Variants in DAB1 observed in about 807,000 individuals in gnomAD.
DAB1 encodes DAB adaptor protein 1, also known as disabled homolog 1.
A neutral mutation model predicts 64.6 loss-of-function variants in DAB1; 15 were observed. The observed-to-expected ratio is 0.23, with a 90% CI of 0.16 to 0.36. DAB1 has a LOEUF of 0.36. DAB1 is among the 10% of genes least tolerant of loss of function. The pLI is 1.00. For missense variants in DAB1, 596 were observed against 706.7 expected, an observed-to-expected ratio of 0.84 and a Z score of 1.78; for synonymous variants, 235 against 251.9, an observed-to-expected ratio of 0.93 and a Z score of 0.64.
intron 1 of DAB1, among the ~76,000 whole-genome samples, chr1:58,534,885 G>A (rs111356090): frequency 0.018 from 2,813 of 152,254 alleles, 56 homozygotes; most frequent in East Asian, 0.12. Flanking sequence ...GCAGTGAGCT[G>A]AGATCTCGCC....
chr1:58,160,451 G>A (rs538569576), intron 4 of DAB1, among the ~76,000 whole-genome samples: 1 of 152,148 alleles, frequency 6.6e-6, no homozygotes, highest in Non-Finnish European at 1.5e-5. Context: ...CCTGTACAGA[G>A]GGCAATTAGG....
Position 57,969,578 on chromosome 1 carries a change from A to G in DAB1, n.388-85416T>C, listed in dbSNP as rs189568639. Among the ~76,000 whole-genome samples, 658 of 152,326 alleles carry G rather than the reference A, an allele frequency of 4.3e-3. 5 individuals are homozygous for G. The highest frequency in any genetic ancestry group is 0.015 in the African/African-American group (618 of 41,578). On this transcript the variant is annotated intron_variant and non_coding_transcript_variant, in intron 5 of 20. Transcript: ENST00000485760. Reference sequence around the variant, plus strand: ...ACAGCTTTTAGTTCTCATATCCAACAGATATCAAAGTATAAGTATCCTCAT... The same window carrying G: ...ACAGCTTTTAGTTCTCATATCCAACGGATATCAAAGTATAAGTATCCTCAT...
At chr1:57,454,890 ATCAG>A (rs1686525896) in intron 7 of DAB1, among the ~76,000 whole-genome samples, 2 of 152,186 alleles carry the variant, frequency 1.3e-5, no homozygotes, top group Non-Finnish European at 2.9e-5. Context: ...TCAAAAAAAT[ATCAG>A]TCTGGTAGAG....
intron 4 of DAB1, among the ~76,000 whole-genome samples, chr1:58,188,896 C>T (rs186560920): frequency 9.2e-5 from 14 of 152,264 alleles, no homozygotes; most frequent in African/African-American, 2.9e-4. Flanking sequence ...TTTCATGGGT[C>T]CTGAATGTTC....
At chr1:57,047,089 G>GCACC (rs1355873461) in intron 9 of DAB1, among the ~76,000 whole-genome samples, 2 of 152,206 alleles carry the variant, frequency 1.3e-5, no homozygotes, top group Non-Finnish European at 2.9e-5. Context: ...TCACCTGGTT[G>GCACC]TAGGGTCAAA....
intron 7 of DAB1, among the ~76,000 whole-genome samples, chr1:57,606,375 C>T (rs1452346039): frequency 7.8e-5 from 1 of 12,880 alleles, no homozygotes; most frequent in Non-Finnish European, 2.6e-4. Flanking sequence ...CCATTCTAAT[C>T]CTATATATAT....
chr1:57,078,465 C>T (rs1652189808), intron 4 of DAB1, among the ~76,000 whole-genome samples: 1 of 151,966 alleles, frequency 6.6e-6, no homozygotes. Context: ...TAAATTGATT[C>T]ATATAACATA....
intron 4 of DAB1, among the ~76,000 whole-genome samples, chr1:57,115,867 C>A (rs970167200): frequency 3.3e-5 from 5 of 152,172 alleles, no homozygotes; most frequent in African/African-American, 1.2e-4. Context: ...TGAAGTTAGA[C>A]TGGGTTGAAA....
intron 5 of DAB1, among the ~76,000 whole-genome samples, chr1:58,119,682 T>C (rs1232351471): frequency 2.0e-5 from 3 of 152,170 alleles, no homozygotes; most frequent in South Asian, 2.1e-4. Flanking sequence ...AGCAGAGAAA[T>C]AGCCAGAGCT....
intron 5 of DAB1, among the ~76,000 whole-genome samples, chr1:58,109,104 T>C (rs1651830075): frequency 6.6e-6 from 1 of 152,218 alleles, no homozygotes; most frequent in Non-Finnish European, 1.5e-5. Context: ...CTTTTAGTGT[T>C]GGGGCTTTCC....
At chr1:57,738,908 T>A (rs183236120) in intron 6 of DAB1, among the ~76,000 whole-genome samples, 4 of 152,288 alleles carry the variant, frequency 2.6e-5, no homozygotes, top group African/African-American at 9.6e-5. Context: ...CACTTCGAGG[T>A]TGGAAACAAC....
intron 5 of DAB1, among the ~76,000 whole-genome samples, chr1:58,122,552 G>A (rs1420100809): frequency 6.6e-6 from 1 of 151,948 alleles, no homozygotes; most frequent in Non-Finnish European, 1.5e-5. Flanking sequence ...GGTATTAGGA[G>A]TTAGCCAAGG....
chr1:57,639,285 A>T (rs1458321056), intron 7 of DAB1, among the ~76,000 whole-genome samples: 1 of 150,798 alleles, frequency 6.6e-6, no homozygotes. Flanking sequence ...AAAGTTCTTT[A>T]TAAAGAACTT....
chr1:57,696,816 C>T (rs1348973906), intron 6 of DAB1, among the ~76,000 whole-genome samples: 1 of 152,154 alleles, frequency 6.6e-6, no homozygotes, highest in Non-Finnish European at 1.5e-5. Context: ...TCATATCATC[C>T]TGGAATTTTC....
chr1:57,656,503 A>G (rs1029570305), intron 6 of DAB1, among the ~76,000 whole-genome samples: 1 of 152,250 alleles, frequency 6.6e-6, no homozygotes, highest in African/African-American at 2.4e-5. Flanking sequence ...TACACATGAC[A>G]TAGGTCTTGG....
chr1:57,399,531 T>C (rs2101026232), intron 1 of DAB1, among the ~76,000 whole-genome samples: 2 of 152,328 alleles, frequency 1.3e-5, no homozygotes, highest in Middle Eastern at 6.8e-3. Context: ...GTAGGCCAAG[T>C]TGAAGAATCC....
chr1:57,998,655 T>G (rs1646464438), intron 5 of DAB1, among the ~76,000 whole-genome samples: 1 of 152,144 alleles, frequency 6.6e-6, no homozygotes, highest in African/African-American at 2.4e-5. Context: ...TGAGCCTCAC[T>G]CCCAGTTTTA....
chr1:57,555,557 T>C (rs1354809493), intron 7 of DAB1, among the ~76,000 whole-genome samples: 4 of 152,198 alleles, frequency 2.6e-5, no homozygotes, highest in Non-Finnish European at 5.9e-5. Flanking sequence ...TGATCATTGC[T>C]GCTTGCTAAT....
chr1:57,263,412 G>A (rs758696607), intron 2 of DAB1, among the ~76,000 whole-genome samples: 1 of 152,068 alleles, frequency 6.6e-6, no homozygotes, highest in South Asian at 2.1e-4. Context: ...GAGCCACTGC[G>A]CCTGGCTGAA....
Sources: allele counts gnomAD v4.1 joint callset (sites outside exome capture counted in the v4.1 genomes callset), GRCh38; gene constraint gnomAD v4.1.1; transcripts MANE v1.5; gene names NCBI Gene and HGNC (gene_info 2026-07-23, HGNC 2026-07-21).